DISP1: variants seen among roughly 807,000 people sequenced by gnomAD.
DISP1 encodes the protein dispatched RND transporter family member 1, also known as protein dispatched homolog 1.
A neutral mutation model predicts 37.3 loss-of-function variants in DISP1; 30 were observed. The observed-to-expected ratio is 0.80, with a 90% confidence interval of 0.60 to 1.09. The LOEUF is 1.09. Among genes scored for constraint, DISP1 ranks in the 50% least tolerant of loss-of-function variants. The pLI is 0.00. For synonymous variants in DISP1, 634 were observed against 690.2 expected (o/e 0.92, Z 1.28); for missense variants, 1,598 against 1,879.5 (o/e 0.85, Z 2.77).
intron 1 of DISP1, among the ~76,000 whole-genome samples, chr1:222,891,681 G>T (rs975768783): frequency 6.6e-6 from 1 of 152,060 alleles, no homozygotes; most frequent in Non-Finnish European, 1.5e-5. Context: ...GGGATTGGTT[G>T]ATGGCATCAA....
At chr1:222,870,784 C>G (rs1039226932) in intron 1 of DISP1, among the ~76,000 whole-genome samples, 8 of 152,102 alleles carry the variant, frequency 5.3e-5, no homozygotes, top group African/African-American at 1.9e-4. Flanking sequence ...TGCAGAAGCT[C>G]TTTAGTTTAA....
rs186682295 is a variant in DISP1, at chr1:222,885,186, A to G, written c.-158-43244A>G. On this transcript the variant is annotated intron_variant, in intron 1 of 8. Transcript: ENST00000675850. Reference sequence around the variant, plus strand: ...TTCTACATTCAGTAATTGGAAAGCTACTGTAAGGAAGATCCATTTCTTCTT... The same window carrying G: ...TTCTACATTCAGTAATTGGAAAGCTGCTGTAAGGAAGATCCATTTCTTCTT... Among the ~76,000 whole-genome samples, 12 of 152,344 alleles carry G rather than the reference A, an allele frequency of 7.9e-5. No homozygotes were observed. In the East Asian group the frequency reaches 9.6e-4, roughly 12 times the overall value.
intron 1 of DISP1, among the ~76,000 whole-genome samples, chr1:222,899,462 G>A (rs981523901): frequency 1.3e-5 from 2 of 152,168 alleles, no homozygotes. Flanking sequence ...TAACTTTTAT[G>A]TGCATCAGTT....
At chr1:222,963,376 G>A (rs576844494) in intron 3 of DISP1, among the ~76,000 whole-genome samples, 38 of 152,280 alleles carry the variant, frequency 2.5e-4, no homozygotes, top group Non-Finnish European at 5.3e-4. Context: ...ATTCCTCAAG[G>A]ATCTAAAACC....
chr1:222,828,735 G>A (rs1299681893), intron 1 of DISP1, among the ~76,000 whole-genome samples: 2 of 152,012 alleles, frequency 1.3e-5, no homozygotes, highest in African/African-American at 2.4e-5. Context: ...GGGCACATTC[G>A]CTTTAGCACT....
rs932058448 is a variant in DISP1, at chr1:222,868,220, A to G, written c.-159+53142A>G. Among the ~76,000 whole-genome samples, 3 of 143,950 alleles carry G rather than the reference A, an allele frequency of 2.1e-5. No homozygotes were observed. In the South Asian group the frequency reaches 6.4e-4, roughly 31 times the overall value. The allele number at this position is 143,950 out of a possible 152,430, so 94.4% of individuals were successfully genotyped here. On this transcript the variant is annotated intron_variant, in intron 1 of 8. Transcript: ENST00000675850. The stretch of plus-strand genomic sequence containing the variant: ...CAACATAGCGAGACCCTCATCTCTT[A>G]AAAAAAAAAGACTCAAGTAGCTCTG...
intron 1 of DISP1, among the ~76,000 whole-genome samples, chr1:222,837,662 A>G (rs1667323872): frequency 2.0e-5 from 3 of 152,234 alleles, no homozygotes; most frequent in Non-Finnish European, 4.4e-5. Flanking sequence ...TAACAGAGGT[A>G]TATAAAATAA....
chr1:222,834,673 A>C (rs2125258855), intron 1 of DISP1, among the ~76,000 whole-genome samples: 1 of 152,298 alleles, frequency 6.6e-6, no homozygotes, highest in South Asian at 2.1e-4. Flanking sequence ...GTGATAGATG[A>C]TAGATAAGAT....
chr1:222,895,970 C>T (rs1414113686), intron 1 of DISP1, among the ~76,000 whole-genome samples: 1 of 152,022 alleles, frequency 6.6e-6, no homozygotes, highest in Non-Finnish European at 1.5e-5. Context: ...TGGACTTTAT[C>T]GTAATTACAA....
intron 3 of DISP1, among the ~76,000 whole-genome samples, chr1:222,982,729 G>A (rs577402857): frequency 5.3e-5 from 8 of 152,308 alleles, no homozygotes; most frequent in Non-Finnish European, 5.9e-5. Context: ...TGGAGACTGA[G>A]GGATGTGGAT....
chr1:222,834,020 T>G (rs1483068779), intron 1 of DISP1, among the ~76,000 whole-genome samples: 1 of 152,160 alleles, frequency 6.6e-6, no homozygotes, highest in Non-Finnish European at 1.5e-5. Flanking sequence ...ACATAGTGTG[T>G]CTTAAGTATC....
At chr1:222,938,959 C>T (rs1454425162) in intron 2 of DISP1, among the ~76,000 whole-genome samples, 1 of 151,964 alleles carries the variant, frequency 6.6e-6, no homozygotes, top group Non-Finnish European at 1.5e-5. Context: ...TCTGTTTTTG[C>T]TTCTAAATTT....
At chr1:222,868,117 G>A (rs968042678) in intron 1 of DISP1, among the ~76,000 whole-genome samples, 1 of 152,038 alleles carries the variant, frequency 6.6e-6, no homozygotes, top group Non-Finnish European at 1.5e-5. Flanking sequence ...GCACGGTAGT[G>A]TTTGACTATA....
intron 4 of DISP1, among the ~76,000 whole-genome samples, chr1:222,986,471 C>G (rs1678283426): frequency 6.6e-6 from 1 of 152,134 alleles, no homozygotes; most frequent in African/African-American, 2.4e-5. Context: ...TGATCTGTTT[C>G]CAGAGTAAAC....
Position 222,815,069 on chromosome 1 carries a change from C to G in DISP1, c.-168C>G, listed in dbSNP as rs746046696. ...GGCTCCGGGCCAGCATCCGAGAGCC[C>G]GGACTGGAGGTGAGTTCGCAGCCGG... is the stretch of plus-strand genomic sequence containing the variant. On this transcript the variant is annotated 5_prime_UTR_variant, in exon 1 of 9. Transcript: ENST00000675850. 6.6e-6 allele frequency: 1 copy of G among 152,192 alleles called. No individual in the cohort carries two copies. The highest frequency in any genetic ancestry group is 1.5e-5 in the Non-Finnish European group (1 of 68,082). 9.4% of individuals were successfully genotyped at this position (152,192 alleles called of 1,614,324 possible).
At chr1:222,868,203 C>T (rs1224483869) in intron 1 of DISP1, among the ~76,000 whole-genome samples, 5 of 151,252 alleles carry the variant, frequency 3.3e-5, no homozygotes, top group Non-Finnish European at 5.9e-5. Flanking sequence ...GGCAACATAG[C>T]GAGACCCTCA....
intron 2 of DISP1, among the ~76,000 whole-genome samples, chr1:222,932,899 A>C (rs1461468311): frequency 2.0e-5 from 3 of 152,022 alleles, no homozygotes; most frequent in African/African-American, 7.2e-5. Flanking sequence ...AATGAAGGAT[A>C]TCACTGATAT....
chr1:222,862,738 G>A (rs1431558923), intron 1 of DISP1, among the ~76,000 whole-genome samples: 1 of 152,018 alleles, frequency 6.6e-6, no homozygotes, highest in African/African-American at 2.4e-5. Flanking sequence ...TCCCTATGTT[G>A]CCCAGGCTGG....
intron 4 of DISP1, among the ~76,000 whole-genome samples, chr1:222,983,949 A>C (rs1039403264): frequency 2.0e-5 from 3 of 152,220 alleles, no homozygotes; most frequent in Admixed American, 6.5e-5. Flanking sequence ...AGAAATTCTA[A>C]GTGATCTTTG....
Sources: gnomAD v4.1 joint callset for allele counts (sites outside exome capture counted in the v4.1 genomes callset) on GRCh38, gnomAD v4.1.1 for gene constraint, MANE v1.5 for transcripts, NCBI Gene and HGNC (gene_info 2026-07-23, HGNC 2026-07-21) for gene names.